GPC6: variants seen among roughly 807,000 people sequenced by gnomAD.
The protein encoded by GPC6 is glypican 6, also known as glypican-6.
A neutral mutation model predicts 55.2 loss-of-function variants in GPC6; 14 were observed. The observed-to-expected ratio is 0.25, with a 90% CI of 0.17 to 0.40. The LOEUF is 0.40. Among genes scored for constraint, GPC6 ranks in the 10% least tolerant of loss-of-function variants. The pLI is 1.00. For synonymous variants in GPC6, 278 were observed against 259.6 expected (o/e 1.07, Z -0.68); for missense variants, 641 against 708.5 (o/e 0.90, Z 1.08).
chr13:93,889,315 C>T (rs560929213), intron 3 of GPC6, among the ~76,000 whole-genome samples: 12 of 152,126 alleles, frequency 7.9e-5, no homozygotes, highest in South Asian at 2.1e-4. Context: ...TTTCCCCAAA[C>T]GATTTTAATG....
chr13:93,837,490 G>A (rs541857609), intron 3 of GPC6, among the ~76,000 whole-genome samples: 64 of 152,090 alleles, frequency 4.2e-4, no homozygotes, highest in Middle Eastern at 3.2e-3. Context: ...TAAAAACAGA[G>A]CCACTATAGA....
chr13:94,215,842 A>G (rs1240535308), intron 4 of GPC6, among the ~76,000 whole-genome samples: 1 of 152,136 alleles, frequency 6.6e-6, no homozygotes, highest in African/African-American at 2.4e-5. Flanking sequence ...CCTAGACTTA[A>G]TCTGGAAAAC....
intron 2 of GPC6, among the ~76,000 whole-genome samples, chr13:93,744,175 A>C (rs1884305591): frequency 6.6e-6 from 1 of 152,252 alleles, no homozygotes; most frequent in East Asian, 1.9e-4. Flanking sequence ...CCGGCGGTTA[A>C]CATTGTTGAC....
chr13:93,224,659 A>C (rs1417671832), upstream of GPC6, among the ~76,000 whole-genome samples: 3 of 152,154 alleles, frequency 2.0e-5, no homozygotes, highest in African/African-American at 7.2e-5. Context: ...TCTTCCAGGA[A>C]CTTCCATAAC....
chr13:93,315,163 A>T (rs1879205686), intron 1 of GPC6, among the ~76,000 whole-genome samples: 1 of 152,008 alleles, frequency 6.6e-6, no homozygotes. Context: ...TTAAGATCTA[A>T]ATTTTAAAAC....
At chr13:93,967,993 T>C (rs1880122209) in intron 3 of GPC6, among the ~76,000 whole-genome samples, 1 of 152,196 alleles carries the variant, frequency 6.6e-6, no homozygotes, top group African/African-American at 2.4e-5. Flanking sequence ...TTTTAAGGCC[T>C]TTCTAGAAAT....
At chr13:93,945,902 A>C (rs1878985349) in intron 3 of GPC6, among the ~76,000 whole-genome samples, 1 of 152,248 alleles carries the variant, frequency 6.6e-6, no homozygotes, top group Admixed American at 6.5e-5. Context: ...TCATTTGTTC[A>C]CCAATGATAT....
rs191041708 is a variant in GPC6 at position 93,415,144 on chromosome 13, C to T, written c.161-130119C>T. 1.2e-3 allele frequency among the ~76,000 whole-genome samples: 185 copies of T among 152,138 alleles called. 2 individuals carry two copies. Among genetic ancestry groups the T allele is most frequent in the African/African-American group, 4.3e-3 (180 of 41,524 alleles). On this transcript the variant is annotated intron_variant, in intron 1 of 8. Coordinates refer to ENST00000377047, the MANE Select transcript of GPC6 (RefSeq NM_005708.5). ...ATCTGCTGTGAAATATTTGGCAAAA[C>T]GTGCTCTATTTCTCTCATGTGTACA... is the stretch of plus-strand genomic sequence containing the variant.
intron 1 of GPC6, among the ~76,000 whole-genome samples, chr13:93,287,073 GT>G (rs1321816998): frequency 3.3e-5 from 5 of 152,082 alleles, no homozygotes; most frequent in Non-Finnish European, 5.9e-5. Flanking sequence ...TGAAACATAA[GT>G]GAATTTCATG....
At chr13:93,683,753 T>G (rs1318028092) in intron 2 of GPC6, among the ~76,000 whole-genome samples, 1 of 152,160 alleles carries the variant, frequency 6.6e-6, no homozygotes, top group East Asian at 1.9e-4. Context: ...ATTATTGTGG[T>G]GGGAGGGTGA....
chr13:94,077,517 T>C (rs1039989040), intron 4 of GPC6, among the ~76,000 whole-genome samples: 54 of 151,806 alleles, frequency 3.6e-4, no homozygotes, highest in Admixed American at 1.4e-3. Context: ...GCGTTTAAGA[T>C]AAGTGATAAG....
chr13:94,049,872 G>A (rs191218689), intron 4 of GPC6, among the ~76,000 whole-genome samples: 18 of 152,240 alleles, frequency 1.2e-4, no homozygotes, highest in Admixed American at 8.5e-4. Flanking sequence ...GAGGGACCAG[G>A]TAGAGATAAT....
chr13:93,959,704 A>G (rs538612297), intron 3 of GPC6, among the ~76,000 whole-genome samples: 72 of 152,226 alleles, frequency 4.7e-4, no homozygotes, highest in Middle Eastern at 3.4e-3. Context: ...CTGATGGACT[A>G]CATCTCAGGG....
rs1377681903 is a variant in GPC6, at chr13:93,496,803, T to C, written c.161-48460T>C. 2.6e-5 allele frequency among the ~76,000 whole-genome samples: 4 copies of C among 152,358 alleles called. No homozygotes were observed. In the South Asian group the frequency reaches 8.3e-4, roughly 32 times the overall value. On this transcript the variant is annotated intron_variant, in intron 1 of 8. Coordinates refer to ENST00000377047, the MANE Select transcript of GPC6 (RefSeq NM_005708.5). Reference sequence around the variant, plus strand: ...CTATACAGTTATCATGATGATTTAATAAGTTAATATTTGTGAAGTGCTTTA... The same window carrying C: ...CTATACAGTTATCATGATGATTTAACAAGTTAATATTTGTGAAGTGCTTTA...
At chr13:93,994,622 A>T (rs1245064465) in intron 3 of GPC6, among the ~76,000 whole-genome samples, 2 of 152,202 alleles carry the variant, frequency 1.3e-5, no homozygotes, top group Non-Finnish European at 2.9e-5. Flanking sequence ...CCAGGAAAGC[A>T]TGAGTGAAAG....
intron 2 of GPC6, among the ~76,000 whole-genome samples, chr13:93,730,141 T>C: frequency 6.6e-6 from 1 of 152,242 alleles, no homozygotes; most frequent in East Asian, 1.9e-4. Flanking sequence ...GTTCACTTCA[T>C]CATAAGTTGC....
chr13:94,093,363 T>C (rs1885556139), intron 4 of GPC6, among the ~76,000 whole-genome samples: 1 of 152,122 alleles, frequency 6.6e-6, no homozygotes, highest in South Asian at 2.1e-4. Context: ...GAAGATACTT[T>C]CCTTTTCGCA....
At chr13:94,167,189 C>T (rs1888397447) in intron 4 of GPC6, among the ~76,000 whole-genome samples, 1 of 152,068 alleles carries the variant, frequency 6.6e-6, no homozygotes, top group Non-Finnish European at 1.5e-5. Flanking sequence ...TTTCTGACAA[C>T]TTATGGTCCA....
chr13:93,767,126 G>A (rs981901374), intron 2 of GPC6, among the ~76,000 whole-genome samples: 1 of 152,066 alleles, frequency 6.6e-6, no homozygotes, highest in African/African-American at 2.4e-5. Context: ...AGTATGCTAA[G>A]CATTATAGGA....
Sources: allele counts gnomAD v4.1 joint callset (sites outside exome capture counted in the v4.1 genomes callset), GRCh38; gene constraint gnomAD v4.1.1; transcripts MANE v1.5; gene names NCBI Gene and HGNC (gene_info 2026-07-23, HGNC 2026-07-21).